Variants in SLC22A7 observed in about 807,000 individuals in gnomAD.
SLC22A7 encodes the protein hOAT2.
In SLC22A7, 48 loss-of-function variants were observed where a neutral mutation model predicts 62.2. That is an observed-to-expected ratio of 0.77 (90% CI 0.61 to 0.98). The LOEUF is 0.98. Ranked by LOEUF, SLC22A7 falls within the 50% of genes least tolerant of loss-of-function variation. The pLI is 0.00. For missense variants in SLC22A7, 581 were observed against 703.8 expected (o/e 0.83, Z 1.97); for synonymous variants, 276 against 314.8 (o/e 0.88, Z 1.30).
At chr6:43,298,189 G>A (rs1778601158), upstream of SLC22A7, 4 of 605,642 alleles carry the variant, frequency 6.6e-6, no homozygotes, top group Non-Finnish European at 1.1e-5. Context: ...GAGACCTGAT[G>A]GCTGGGGAGG....
chr6:43,302,384 G>T lies in SLC22A7; in HGVS notation c.1246G>T (p.Ala416Ser), dbSNP rs775182507. 6.2e-7 allele frequency: 1 copy of T among 1,607,620 alleles called. No individual in the cohort carries two copies. The highest frequency in any genetic ancestry group is 8.5e-7 in the Non-Finnish European group (1 of 1,178,146). ...QAGTLLGTAL[A>S]FGTRLLVSSD... is the part of the protein sequence containing the mutation. The stretch of plus-strand genomic sequence containing the variant: ...CGGGACACTGCTGGGCACGGCCCTG[G>T]CGTTCGGCACTAGACTGCTAGTGTC... The change falls in exon 8 of 11, where the codon GCG becomes TCG. Residue 416 changes from alanine to serine, a missense_variant. Ala to Ser is a moderately conservative substitution (Grantham distance 99). Coordinates refer to ENST00000372585, the MANE Select transcript of SLC22A7 (RefSeq NM_153320.2). This position sits in a 1 kb window ranked among gnomAD's most constrained non-coding sequence, Gnocchi z 5.0.
rs990636355 is a variant in SLC22A7, at chr6:43,302,026, T to C, written c.1062-174T>C. Among the ~76,000 whole-genome samples, 2 of 152,124 alleles carry C rather than the reference T, an allele frequency of 1.3e-5. No individual in the cohort carries two copies. Among genetic ancestry groups the C allele is most frequent in the African/African-American group, 4.8e-5 (2 of 41,408 alleles). ...ATTAGGGTAAAGGCGCTTTGACTAC[T>C]GGCGCATGCTGCACAGAGGGCATTA... On this transcript the variant is annotated intron_variant, in intron 7 of 10. Transcript: ENST00000372585. The surrounding 1 kb of genome is among the most constrained non-coding windows in gnomAD (Gnocchi z 5.0).
Position 43,302,112 on chromosome 6 carries a change from C to A in SLC22A7, c.1062-88C>A. On this transcript the variant is annotated intron_variant, in intron 7 of 10. Transcript: ENST00000372585. This position sits in a 1 kb window ranked among gnomAD's most constrained non-coding sequence, Gnocchi z 5.0. ...GGTTGCAGAGACAGAAGGAGATTGC[C>A]CTTGTAAAATGCCAAGTCTTCCTGA... 1 of 1,206,800 alleles carries A rather than the reference C, an allele frequency of 8.3e-7. No individual in the cohort carries two copies. The highest frequency in any genetic ancestry group is 1.2e-6 in the Non-Finnish European group (1 of 850,754). 74.8% of individuals were successfully genotyped at this position (1,206,800 alleles called of 1,614,324 possible). A position where few individuals can be genotyped will look rare whatever the true frequency, so the allele number is the denominator to read the frequency against.
Position 43,301,202 on chromosome 6 carries a change from C to T in SLC22A7, c.895C>T (p.Leu299Phe), listed in dbSNP as rs770284254. Residue 299 changes from leucine to phenylalanine, a missense_variant, in exon 6 of 11, where the codon CTC becomes TTC. Physicochemically the swap from Leu to Phe is conservative, Grantham distance 22. Coordinates refer to ENST00000372585, the MANE Select transcript of SLC22A7 (RefSeq NM_153320.2). ...TGTGAAAGAGGCCCACAGGTACTTG[C>T]TCCACTGTGCCAGGCTCAATGGGCG... Reference protein sequence around the residue: ...GHVKEAHRYLLHCARLNGRPV... With the variant: ...GHVKEAHRYLFHCARLNGRPV... 2.5e-5 allele frequency: 40 copies of T among 1,614,124 alleles called. No homozygotes were observed. The South Asian group carries it at 3.5e-4, about 14-fold the overall frequency.
intron 10 of SLC22A7, 34 bp from the exon 11 acceptor site, chr6:43,304,637 A>G (rs1582558067): frequency 6.3e-7 from 1 of 1,591,938 alleles, no homozygotes; most frequent in African/African-American, 1.3e-5. Flanking sequence ...CGGGGATTAA[A>G]CCCCACCATT....
rs935592380 is a variant in SLC22A7 at position 43,304,996 on chromosome 6, C to T, written c.*271C>T. 8 of 330,744 alleles carry T rather than the reference C, an allele frequency of 2.4e-5. 1 individual carries two copies. The highest frequency in any genetic ancestry group is 9.3e-5 in the Admixed American group (2 of 21,444). The allele number at this position is 330,744 out of a possible 1,614,324, so 20.5% of individuals were successfully genotyped here. ...GCCCCTTGGGTTGGGGCAGTGGTGA[C>T]GAGCTGTGGGAAGAGCCCTGGATAG... is the stretch of plus-strand genomic sequence containing the variant. On this transcript the variant is annotated 3_prime_UTR_variant, in exon 11 of 11. Coordinates refer to ENST00000372585, the MANE Select transcript of SLC22A7 (RefSeq NM_153320.2).
chr6:43,302,629 C>A lies in SLC22A7; in HGVS notation c.1277-26C>A, dbSNP rs1164761686. On this transcript the variant is annotated intron_variant, in intron 8 of 10. Coordinates refer to ENST00000372585, the MANE Select transcript of SLC22A7 (RefSeq NM_153320.2). The surrounding 1 kb of genome is among the most constrained non-coding windows in gnomAD (Gnocchi z 5.0). ...CCCTGGCTCTCCTCCAAGGCCCTCT[C>A]ACTACCTGAACCCGCTTCCCTCCAG... 5.2e-6 allele frequency: 8 copies of A among 1,541,514 alleles called. No individual in the cohort carries two copies. The highest frequency in any genetic ancestry group is 7.1e-6 in the Non-Finnish European group (8 of 1,125,882).
At chr6:43,298,808 G>A in intron 1 of SLC22A7, 57 bp downstream of exon 1, 2 of 1,514,136 alleles carry the variant, frequency 1.3e-6, no homozygotes, top group Non-Finnish European at 1.8e-6. Flanking sequence ...CCATTGCCTT[G>A]GGTGGTTACT....
rs553752262 is a variant in SLC22A7 at position 43,302,934 on chromosome 6, T to G, written c.1385+171T>G. Among the ~76,000 whole-genome samples, 1 of 152,196 alleles carries G rather than the reference T, an allele frequency of 6.6e-6. No homozygotes were observed. Among genetic ancestry groups the G allele is most frequent in the Admixed American group, 6.5e-5 (1 of 15,286 alleles). On this transcript the variant is annotated intron_variant, in intron 9 of 10. Coordinates refer to ENST00000372585, the MANE Select transcript of SLC22A7 (RefSeq NM_153320.2). The surrounding 1 kb of genome is among the most constrained non-coding windows in gnomAD (Gnocchi z 5.0). ...ATTACCCAGACTGGTCTCAAACTCCTGGTCTCAAGCGATCCTCCCGCCTCA... is the reference window on the plus strand; with the variant it reads ...ATTACCCAGACTGGTCTCAAACTCCGGGTCTCAAGCGATCCTCCCGCCTCA...
Position 43,304,255 on chromosome 6 carries a change from A to C in SLC22A7, c.1592+11A>C. The C allele has an allele frequency of 6.6e-7, 1 of 1,523,430 alleles. No individual in the cohort carries two copies. Among genetic ancestry groups the C allele is most frequent in the East Asian group, 2.3e-5 (1 of 42,710 alleles). The allele number at this position is 1,523,430 out of a possible 1,614,324, so 94.4% of individuals were successfully genotyped here. On this transcript the variant is annotated intron_variant, in intron 10 of 10. Transcript: ENST00000372585. ...CGTGGAGAGAAAGAGGTGTGTGCAC[A>C]GGACTGTGTCTGTGTACGTGTGATA...
upstream of SLC22A7, chr6:43,295,755 C>T (rs1363885864): frequency 6.6e-5 from 10 of 152,248 alleles, no homozygotes; most frequent in Admixed American, 6.5e-4. Context: ...GCCTGTCCAG[C>T]TCCATCATCA....
rs1037610422 is a variant in SLC22A7 at position 43,299,409 on chromosome 6, A to G, written c.419A>G (p.Gln140Arg). The change falls in exon 3 of 11, where the codon CAG becomes CGG. Residue 140 changes from glutamine to arginine, a missense_variant. By Grantham distance (43) the Gln-to-Arg change is conservative. Coordinates refer to ENST00000372585, the MANE Select transcript of SLC22A7 (RefSeq NM_153320.2). This position sits in a 1 kb window ranked among gnomAD's most constrained non-coding sequence, Gnocchi z 4.4. Reference protein sequence around the residue: ...TESQWDLVCEQKGLNRAASTF... With the variant: ...TESQWDLVCERKGLNRAASTF... ...TTGCAGTGGGATCTGGTGTGTGAGC[A>G]GAAAGGTCTGAACAGAGCTGCGTCC... 2 of 1,614,222 alleles carry G rather than the reference A, an allele frequency of 1.2e-6. No individual in the cohort carries two copies. Among genetic ancestry groups the G allele is most frequent in the African/African-American group, 2.7e-5 (2 of 75,038 alleles).
chr6:43,304,618 T>G (rs1422216855), intron 10 of SLC22A7, 53 bp from the exon 11 acceptor site: 14 of 1,529,522 alleles, frequency 9.2e-6, no homozygotes, highest in Non-Finnish European at 9.0e-7. Context: ...CAGGCTGGGG[T>G]GGTAGGCTCG....
rs1406679435 is a variant in SLC22A7, at chr6:43,303,027, G to A, written c.1385+264G>A. On this transcript the variant is annotated intron_variant, in intron 9 of 10. Transcript: ENST00000372585. Reference sequence around the variant, plus strand: ...AGCCACCGCACCCAGCCTCTCACTCGTTCTCCACACTACACCCAGAATACA... The same window carrying A: ...AGCCACCGCACCCAGCCTCTCACTCATTCTCCACACTACACCCAGAATACA... The A allele has an allele frequency of 5.0e-6, 4 of 798,438 alleles. No homozygotes were observed. In the South Asian group the frequency reaches 1.7e-4, roughly 34 times the overall value. 49.5% of individuals were successfully genotyped at this position (798,438 alleles called of 1,614,324 possible). A position where few individuals can be genotyped will look rare whatever the true frequency, so the allele number is the denominator to read the frequency against.
rs766247999 is a variant in SLC22A7, at chr6:43,304,088, T to C, written c.1436T>C (p.Leu479Ser). ...TALVGRLGGS[L>S]APLAALLDGV... is the part of the protein sequence containing the mutation. ...CTGGTGGGCCGGCTGGGGGGCTCTT[T>C]GGCCCCACTGGCGGCCTTGCTGGAT... The change falls in exon 10 of 11, where the codon TTG becomes TCG. Residue 479 changes from leucine (L) to serine (S), a missense_variant. Transcript: ENST00000372585. The C allele has an allele frequency of 6.3e-6, 10 of 1,598,830 alleles. No homozygotes were observed. The highest frequency in any genetic ancestry group is 8.5e-6 in the Non-Finnish European group (10 of 1,171,100).
At position 43,299,027 on chromosome 6, in the gene SLC22A7, G is replaced by C. The variant is rs70953678; in HGVS notation, c.394-65G>C. The C allele has an allele frequency of 0.019, 28,628 of 1,472,502 alleles. 325 individuals carry two copies. Among genetic ancestry groups the C allele is most frequent in the Middle Eastern group, 0.039 (215 of 5,482 alleles). 91.2% of individuals were successfully genotyped at this position (1,472,502 alleles called of 1,614,324 possible). On this transcript the variant is annotated intron_variant, in intron 1 of 10. Coordinates refer to ENST00000372585, the MANE Select transcript of SLC22A7 (RefSeq NM_153320.2). The surrounding 1 kb of genome is among the most constrained non-coding windows in gnomAD (Gnocchi z 4.4). ...GGAGTTGAGACAAAGAGCTGAGAAG[G>C]CAATTTCTGCAGCAAGAGGTGGAGA...
rs1451380577 is a variant in SLC22A7 at position 43,304,527 on chromosome 6, G to T, written c.1593-144G>T. 4 of 688,614 alleles carry T rather than the reference G, an allele frequency of 5.8e-6. No individual in the cohort carries two copies. The African/African-American group carries it at 7.2e-5, about 12-fold the overall frequency. The allele number at this position is 688,614 out of a possible 1,614,324, so 42.7% of individuals were successfully genotyped here. A position where few individuals can be genotyped will look rare whatever the true frequency, so the allele number is the denominator to read the frequency against. On this transcript the variant is annotated intron_variant, in intron 10 of 10. Transcript: ENST00000372585. The stretch of plus-strand genomic sequence containing the variant: ...AAGTATGCCTACACATCAGGGGTGT[G>T]TACAAGCATGTGTGTGAGTCACTTG...
At chr6:43,301,758 C>A in intron 7 of SLC22A7, 66 bp downstream of exon 7, 3 of 1,200,122 alleles carry the variant, frequency 2.5e-6, no homozygotes, top group South Asian at 1.4e-5. Context: ...CAGGCTGGTG[C>A]TGAGTGTGAG....
At position 43,304,134 on chromosome 6, in the gene SLC22A7, C is replaced by T; in HGVS notation, c.1482C>T (p.Pro494=). Residue 494 remains proline, a synonymous_variant, in exon 10 of 11, where the codon CCC becomes CCT. Transcript: ENST00000372585. ...ALLDGVWLSL[P]KLTYGGIALL... is the part of the protein sequence containing the mutation. Reference sequence around the variant, plus strand: ...TGGATGGAGTGTGGCTGTCACTGCCCAAGCTTACTTATGGGGGGATCGCCC... The same window carrying T: ...TGGATGGAGTGTGGCTGTCACTGCCTAAGCTTACTTATGGGGGGATCGCCC... 1 of 1,608,412 alleles carries T rather than the reference C, an allele frequency of 6.2e-7. No individual in the cohort carries two copies.
Sources: gnomAD v4.1 joint callset for allele counts (sites outside exome capture counted in the v4.1 genomes callset) on GRCh38, gnomAD v4.1.1 for gene constraint, Gnocchi (gnomAD v3.1) non-coding constraint, MANE v1.5 for transcripts, NCBI Gene and HGNC (gene_info 2026-07-23, HGNC 2026-07-21) for gene names.